TMTC4: variants seen among roughly 807,000 people sequenced by gnomAD.
TMTC4 encodes protein O-mannosyl-transferase TMTC4.
In TMTC4, 65 loss-of-function variants were observed where a neutral mutation model predicts 86.0. The ratio of observed to expected loss-of-function variants is 0.76; its 90% CI spans 0.62 to 0.93. The LOEUF (loss-of-function observed/expected upper bound fraction) is 0.93. Among genes scored for constraint, TMTC4 ranks in the 40% least tolerant of loss-of-function variants. The pLI is 0.00. For missense variants in TMTC4, 866 were observed against 948.1 expected (o/e 0.91, Z 1.14); for synonymous variants, 379 against 382.5 (o/e 0.99, Z 0.11).
At chr13:100,656,288 AT>A in intron 6 of TMTC4, 92 bp downstream of exon 6, 1 of 1,091,606 alleles carries the variant, frequency 9.2e-7, no homozygotes, top group Non-Finnish European at 1.3e-6. Context: ...ACACACTCAC[AT>A]AGATGGATTC....
intron 12 of TMTC4, among the ~76,000 whole-genome samples, chr13:100,631,387 T>C (rs964866284): frequency 6.6e-6 from 1 of 152,238 alleles, no homozygotes; most frequent in Non-Finnish European, 1.5e-5. Context: ...AAATACCTCA[T>C]TGTGGCATAT....
intron 3 of TMTC4, among the ~76,000 whole-genome samples, chr13:100,664,611 C>T (rs1486404540): frequency 6.6e-6 from 1 of 152,184 alleles, no homozygotes; most frequent in African/African-American, 2.4e-5. Flanking sequence ...AGCTCTGGTG[C>T]TGTGCTTCTG....
chr13:100,663,765 C>A (rs182050360), intron 4 of TMTC4, among the ~76,000 whole-genome samples: 1 of 152,098 alleles, frequency 6.6e-6, no homozygotes, highest in African/African-American at 2.4e-5. Flanking sequence ...CAGGTATGGA[C>A]GAGAACCTTT....
chr13:100,634,961 T>C (rs1283525566), intron 11 of TMTC4, 25 bp from the exon 12 acceptor site: 22 of 1,612,408 alleles, frequency 1.4e-5, no homozygotes, highest in Non-Finnish European at 1.9e-5. Context: ...GACATGGTAA[T>C]TGTCACCAGT....
chr13:100,674,411 G>C (rs965062748), intron 1 of TMTC4: 1 of 923,630 alleles, frequency 1.1e-6, no homozygotes, highest in East Asian at 1.2e-4. Flanking sequence ...GGCCGAGGGA[G>C]CGCCGGCGCG....
chr13:100,627,704 T>C (rs1880761931), intron 12 of TMTC4, among the ~76,000 whole-genome samples: 1 of 152,216 alleles, frequency 6.6e-6, no homozygotes, highest in African/African-American at 2.4e-5. Context: ...TTATACATTA[T>C]ACTTCTAGGT....
At chr13:100,653,800 T>A (rs1884737006) in intron 6 of TMTC4, among the ~76,000 whole-genome samples, 1 of 152,098 alleles carries the variant, frequency 6.6e-6, no homozygotes, top group Non-Finnish European at 1.5e-5. Context: ...GATCCATAAC[T>A]CAAAGCCTGC....
At chr13:100,659,087 A>G (rs552784593) in intron 5 of TMTC4, among the ~76,000 whole-genome samples, 39 of 152,238 alleles carry the variant, frequency 2.6e-4, no homozygotes, top group Non-Finnish European at 5.1e-4. Context: ...AGTTTTCTGG[A>G]GAAATCACTG....
At chr13:100,606,182 G>C (rs1441157776) in intron 18 of TMTC4, among the ~76,000 whole-genome samples, 176 bp downstream of exon 18, 1 of 152,196 alleles carries the variant, frequency 6.6e-6, no homozygotes, top group East Asian at 1.9e-4. Context: ...TCATGCAATT[G>C]AGATTTGTAA....
intron 2 of TMTC4, among the ~76,000 whole-genome samples, chr13:100,669,321 G>A (rs1197057335): frequency 6.6e-6 from 1 of 152,154 alleles, no homozygotes; most frequent in African/African-American, 2.4e-5. Flanking sequence ...CTGACACAGA[G>A]ACAGGGGAGT....
chr13:100,664,257 T>C lies in TMTC4; in HGVS notation c.299A>G (p.His100Arg), dbSNP rs771613313. ...GACGGTGAGAGGCCGGTAGGACTTG[T>C]GGCTGGTGTTGCTGCTCAGTCTACT... ...WGSRLSSNTS[H>R]KSYRPLTVLT... is the part of the protein sequence containing the mutation. Residue 100 changes from histidine to arginine, a missense_variant, in exon 4 of 19, where the codon CAC (histidine) becomes CGC (arginine). His to Arg is a conservative substitution (Grantham distance 29, BLOSUM62 0). Transcript: ENST00000342624. 1 of 1,612,386 alleles carries C rather than the reference T, an allele frequency of 6.2e-7. No homozygotes were observed. Among genetic ancestry groups the C allele is most frequent in the South Asian group, 1.1e-5 (1 of 90,862 alleles).
intron 5 of TMTC4, among the ~76,000 whole-genome samples, chr13:100,659,257 T>TAA (rs1885478471): frequency 6.6e-6 from 1 of 152,202 alleles, no homozygotes; most frequent in Non-Finnish European, 1.5e-5. Context: ...GAACTCTTTT[T>TAA]AAACATTTTG....
At chr13:100,624,734 T>C (rs974540374) in intron 15 of TMTC4, among the ~76,000 whole-genome samples, 6 of 152,246 alleles carry the variant, frequency 3.9e-5, no homozygotes, top group Non-Finnish European at 8.8e-5. Context: ...GTGAAAGTCA[T>C]ATCACTATGG....
At chr13:100,656,672 T>C (rs1403909427) in intron 5 of TMTC4, among the ~76,000 whole-genome samples, 1 of 151,012 alleles carries the variant, frequency 6.6e-6, no homozygotes, top group Admixed American at 6.6e-5. Flanking sequence ...GCCTCCTGAA[T>C]AGCTGGGAGC....
chr13:100,670,715 G>A (rs1223657088), intron 1 of TMTC4, 146 bp from the exon 2 acceptor site: 5 of 227,562 alleles, frequency 2.2e-5, no homozygotes, highest in Non-Finnish European at 2.5e-5. Context: ...TTGGGAGGCC[G>A]AGGCCGGTGG....
chr13:100,633,914 C>T lies in TMTC4; in HGVS notation c.1506+891G>A, dbSNP rs1297189733. On this transcript the variant is annotated intron_variant, in intron 12 of 18. Transcript: ENST00000342624. ...CCAGCATCTGGGAGGCTGAAGCAGACGGATCACTTGAGGTCAGGAGTTCAA... is the reference window on the plus strand; with the variant it reads ...CCAGCATCTGGGAGGCTGAAGCAGATGGATCACTTGAGGTCAGGAGTTCAA... Among the ~76,000 whole-genome samples, 3 of 152,100 alleles carry T rather than the reference C, an allele frequency of 2.0e-5. No homozygotes were observed. In the East Asian group the frequency reaches 5.8e-4, roughly 29 times the overall value.
intron 17 of TMTC4, among the ~76,000 whole-genome samples, chr13:100,611,324 G>C (rs1389999420): frequency 7.9e-5 from 12 of 152,222 alleles, no homozygotes; most frequent in Admixed American, 7.9e-4. Context: ...GGTGGCTCAT[G>C]CCTGTAATCT....
chr13:100,653,807 C>A (rs1884738231), intron 6 of TMTC4, among the ~76,000 whole-genome samples: 1 of 152,236 alleles, frequency 6.6e-6, no homozygotes, highest in South Asian at 2.1e-4. Flanking sequence ...AACTCAAAGC[C>A]TGCCAGGGCA....
chr13:100,636,708 T>C lies in TMTC4; in HGVS notation c.1026A>G (p.Ser342=), dbSNP rs1882267469. ...GACACAGCAGCAGCCAGGCATTCAA[T>C]GAATAGTAGTAATTGTAGTTTACGG... ...VRAVNYNYYY[S]LNAWLLLCPW... Residue 342 remains serine (S), a synonymous_variant, in exon 10 of 19, where the codon TCA becomes TCG. Transcript: ENST00000342624. 1.2e-6 allele frequency: 2 copies of C among 1,614,140 alleles called. No homozygotes were observed. Among genetic ancestry groups the C allele is most frequent in the Non-Finnish European group, 1.7e-6 (2 of 1,180,014 alleles).
Sources: gnomAD v4.1 joint callset for allele counts (sites outside exome capture counted in the v4.1 genomes callset) on GRCh38, gnomAD v4.1.1 for gene constraint, MANE v1.5 for transcripts, NCBI Gene and HGNC (gene_info 2026-07-23, HGNC 2026-07-21) for gene names.